The following GLI3 variants were observed in gnomAD, a reference collection of about 807,000 sequenced individuals.
GLI3 encodes the protein transcription activator GLI3.
A neutral mutation model predicts 100.8 loss-of-function variants in GLI3; 20 were observed. The ratio of observed to expected loss-of-function variants is 0.20; its 90% CI spans 0.14 to 0.29. The LOEUF is 0.29. Among genes scored for constraint, GLI3 ranks in the 10% least tolerant of loss-of-function variants. The pLI is 1.00. For missense variants in GLI3, 2,040 were observed against 2,128.5 expected (o/e 0.96, Z 0.82); for synonymous variants, 938 against 860.5 (o/e 1.09, Z -1.58).
intron 1 of GLI3, among the ~76,000 whole-genome samples, chr7:42,247,821 T>C (rs575997496): frequency 2.2e-4 from 33 of 152,328 alleles, no homozygotes; most frequent in African/African-American, 7.9e-4. Flanking sequence ...AAGGAGTTTC[T>C]CTTTGCAAAC....
At chr7:42,130,976 T>A (rs1583583726) in intron 3 of GLI3, among the ~76,000 whole-genome samples, 1 of 152,174 alleles carries the variant, frequency 6.6e-6, no homozygotes, top group East Asian at 1.9e-4. Context: ...TAGTGATGCC[T>A]TAAAAGATCT....
intron 2 of GLI3, among the ~76,000 whole-genome samples, chr7:42,189,613 AG>A (rs1267747827): frequency 2.0e-5 from 3 of 152,338 alleles, no homozygotes; most frequent in African/African-American, 7.2e-5. Context: ...AGCATGTAAA[AG>A]ATTACTAAGA....
chr7:42,127,162 T>C (rs1786154196), intron 3 of GLI3, among the ~76,000 whole-genome samples: 1 of 152,234 alleles, frequency 6.6e-6, no homozygotes. Context: ...TTGCAGGCAC[T>C]CCTTCTGGTA....
chr7:42,227,555 T>C (rs1788606303), intron 1 of GLI3: 1 of 152,108 alleles, frequency 6.6e-6, no homozygotes, highest in South Asian at 2.1e-4. Flanking sequence ...ATTTGCAACC[T>C]GCCTGCAGGT....
intron 3 of GLI3, among the ~76,000 whole-genome samples, chr7:42,082,774 T>A (rs1046017735): frequency 5.9e-5 from 9 of 152,206 alleles, no homozygotes; most frequent in Admixed American, 2.0e-4. Context: ...ACTTTTTTTT[T>A]AAATTATCTA....
chr7:42,120,996 C>T (rs900481686), intron 3 of GLI3, among the ~76,000 whole-genome samples: 2 of 152,178 alleles, frequency 1.3e-5, no homozygotes, highest in Non-Finnish European at 2.9e-5. Context: ...CAAACCACCA[C>T]CAAAAAGAGA....
chr7:41,974,116 G>A (rs976094336), intron 12 of GLI3, among the ~76,000 whole-genome samples: 4 of 152,142 alleles, frequency 2.6e-5, no homozygotes, highest in African/African-American at 9.7e-5. Flanking sequence ...AGGAGAGAGG[G>A]AGCACAAAGC....
chr7:42,028,502 G>A (rs1583807744), intron 7 of GLI3, among the ~76,000 whole-genome samples: 1 of 152,194 alleles, frequency 6.6e-6, no homozygotes, highest in African/African-American at 2.4e-5. Flanking sequence ...GGTGGCTCAC[G>A]CCTGTAATCC....
chr7:42,003,716 G>C (rs1016579331), intron 10 of GLI3, among the ~76,000 whole-genome samples: 6 of 152,228 alleles, frequency 3.9e-5, no homozygotes, highest in African/African-American at 7.2e-5. Flanking sequence ...TCAAAAGGCT[G>C]TAGATCCAAA....
At chr7:42,240,805 A>G (rs1788916717), upstream of GLI3, among the ~76,000 whole-genome samples, 1 of 152,178 alleles carries the variant, frequency 6.6e-6, no homozygotes, top group African/African-American at 2.4e-5. Flanking sequence ...ACACTGCAAA[A>G]GATAGTGGGA....
chr7:42,193,793 G>T (rs1009643748), intron 2 of GLI3, among the ~76,000 whole-genome samples: 1 of 152,032 alleles, frequency 6.6e-6, no homozygotes, highest in Non-Finnish European at 1.5e-5. Context: ...TCTTGATTAC[G>T]AAATATTCCA....
chr7:41,971,617 G>A (rs10263583), intron 13 of GLI3, among the ~76,000 whole-genome samples: 84 of 152,290 alleles, frequency 5.5e-4, no homozygotes, highest in Non-Finnish European at 9.8e-4. Context: ...CTCATGCTCT[G>A]CCTTACTGGT....
intron 4 of GLI3, among the ~76,000 whole-genome samples, chr7:42,072,019 T>C (rs1216237561): frequency 2.0e-5 from 3 of 152,002 alleles, no homozygotes; most frequent in Non-Finnish European, 4.4e-5. Flanking sequence ...AGAACATGAG[T>C]GCTCATTTTC....
chr7:42,242,875 G>T (rs1414534868), intron 1 of GLI3, among the ~76,000 whole-genome samples: 1 of 152,194 alleles, frequency 6.6e-6, no homozygotes, highest in Non-Finnish European at 1.5e-5. Context: ...TTACAAAAGA[G>T]ATGGAGAAAA....
chr7:42,178,098 G>T (rs1051121451), intron 2 of GLI3, among the ~76,000 whole-genome samples: 2 of 152,200 alleles, frequency 1.3e-5, no homozygotes, highest in African/African-American at 4.8e-5. Flanking sequence ...TGAATGTGCT[G>T]CCTCTGGGCC....
intron 4 of GLI3, among the ~76,000 whole-genome samples, chr7:42,061,769 T>G (rs1162872039): frequency 6.6e-6 from 1 of 152,060 alleles, no homozygotes; most frequent in Non-Finnish European, 1.5e-5. Flanking sequence ...TACTGTAGAG[T>G]GTATGTAGTG....
intron 3 of GLI3, among the ~76,000 whole-genome samples, chr7:42,093,235 C>T (rs1326326138): frequency 1.3e-5 from 2 of 151,114 alleles, no homozygotes; most frequent in Non-Finnish European, 2.9e-5. Flanking sequence ...CAAAATTAGC[C>T]GGGTGTGGTG....
At chr7:42,210,855 C>G (rs1322693978) in intron 2 of GLI3, among the ~76,000 whole-genome samples, 1 of 152,112 alleles carries the variant, frequency 6.6e-6, no homozygotes, top group Non-Finnish European at 1.5e-5. Context: ...TCTAGAAAAA[C>G]CAACAAACTA....
intron 3 of GLI3, among the ~76,000 whole-genome samples, chr7:42,140,496 A>T (rs1786541124): frequency 6.6e-6 from 1 of 152,250 alleles, no homozygotes; most frequent in African/African-American, 2.4e-5. Flanking sequence ...AGACATTAGA[A>T]TGATGAGAAC....
Sources: gnomAD v4.1 joint callset for allele counts (sites outside exome capture counted in the v4.1 genomes callset) on GRCh38, gnomAD v4.1.1 for gene constraint, MANE v1.5 for transcripts, NCBI Gene and HGNC (gene_info 2026-07-23, HGNC 2026-07-21) for gene names.